The following BANK1 variants were observed in gnomAD, a reference collection of about 807,000 sequenced individuals.
The protein encoded by BANK1 is B cell scaffold protein with ankyrin repeats 1, also known as B-cell scaffold protein with ankyrin repeats.
BANK1 carries 95 observed loss-of-function variants against 94.5 expected under a neutral mutation model. The observed-to-expected ratio is 1.00, with a 90% CI of 0.85 to 1.19. The LOEUF is 1.19. BANK1 is among the 50% of genes most tolerant of loss of function. The pLI is 0.00. For missense variants in BANK1, 987 were observed against 932.2 expected (o/e 1.06, Z -0.77); for synonymous variants, 334 against 308.4 (o/e 1.08, Z -0.87).
chr4:101,927,454 T>G (rs1446865792), intron 7 of BANK1, among the ~76,000 whole-genome samples: 1 of 151,350 alleles, frequency 6.6e-6, no homozygotes, highest in Non-Finnish European at 1.5e-5. Context: ...TTGATCAGAG[T>G]CACAACTATA....
At chr4:101,890,893 T>G (rs1721843775) in intron 5 of BANK1, among the ~76,000 whole-genome samples, 1 of 151,894 alleles carries the variant, frequency 6.6e-6, no homozygotes, top group South Asian at 2.1e-4. Flanking sequence ...TTTTACCAGT[T>G]TGAGTGAAGT....
intron 7 of BANK1, among the ~76,000 whole-genome samples, chr4:102,020,025 C>G (rs764498022): frequency 6.6e-6 from 1 of 152,120 alleles, no homozygotes; most frequent in Non-Finnish European, 1.5e-5. Context: ...GTTTCAGCCT[C>G]AGTACATACA....
At chr4:101,953,124 G>T (rs1468910137) in intron 7 of BANK1, among the ~76,000 whole-genome samples, 1 of 152,060 alleles carries the variant, frequency 6.6e-6, no homozygotes, top group Non-Finnish European at 1.5e-5. Flanking sequence ...TGATGGAAAT[G>T]AAATGAAAAA....
At chr4:102,022,968 A>G (rs1726965560) in intron 8 of BANK1, among the ~76,000 whole-genome samples, 1 of 151,728 alleles carries the variant, frequency 6.6e-6, no homozygotes, top group South Asian at 2.1e-4. Context: ...ATGACACCCT[A>G]CTCTTCATTT....
intron 2 of BANK1, among the ~76,000 whole-genome samples, chr4:101,852,745 C>G (rs1224774864): frequency 6.6e-6 from 1 of 151,592 alleles, no homozygotes; most frequent in African/African-American, 2.4e-5. Context: ...TATCTTATTC[C>G]TTATTTCTTA....
chr4:101,951,879 T>C (rs1431333510), intron 7 of BANK1, among the ~76,000 whole-genome samples: 1 of 149,808 alleles, frequency 6.7e-6, no homozygotes, highest in Non-Finnish European at 1.5e-5. Flanking sequence ...ACAAAAAAAA[T>C]AAAGAATGTG....
intron 1 of BANK1, among the ~76,000 whole-genome samples, chr4:101,818,042 T>C (rs997232757): frequency 1.3e-5 from 2 of 152,204 alleles, no homozygotes; most frequent in Admixed American, 1.3e-4. Flanking sequence ...AAATGTATCA[T>C]ATTATGACAA....
chr4:102,009,236 G>C (rs578072839), intron 7 of BANK1, among the ~76,000 whole-genome samples: 1 of 152,328 alleles, frequency 6.6e-6, no homozygotes, highest in Non-Finnish European at 1.5e-5. Flanking sequence ...TTGGAAAGTG[G>C]TGAGGAAAGA....
At chr4:101,824,262 G>A (rs1726281246) in intron 1 of BANK1, among the ~76,000 whole-genome samples, 1 of 152,200 alleles carries the variant, frequency 6.6e-6, no homozygotes, top group South Asian at 2.1e-4. Flanking sequence ...ACCAGCGAAA[G>A]TCCTCAGTCA....
At chr4:101,968,650 A>G (rs1202754631) in intron 7 of BANK1, among the ~76,000 whole-genome samples, 1 of 152,048 alleles carries the variant, frequency 6.6e-6, no homozygotes, top group African/African-American at 2.4e-5. Flanking sequence ...GCACTGCTGA[A>G]GAAGGAAATG....
At position 102,072,362 on chromosome 4, in the gene BANK1, A is replaced by G. The variant is rs1330950196; in HGVS notation, c.2260A>G (p.Asn754Asp). 5 of 1,595,024 alleles carry G rather than the reference A, an allele frequency of 3.1e-6. No individual in the cohort carries two copies. The highest frequency in any genetic ancestry group is 1.7e-4 in the Middle Eastern group (1 of 6,018). ...ATTTCTAGGTAAGGAAACTGCCCAC[A>G]ATGAAAATAAGTTTTATAATGTACA... ...HHPGGKETAH[N>D]ENKFYNVHFS... The change falls in exon 15 of 17, where the codon AAT becomes GAT. Residue 754 changes from asparagine (N) to aspartate (D), a missense_variant. Transcript: ENST00000322953.
At chr4:101,870,425 C>A in intron 4 of BANK1, 80 bp from the exon 5 acceptor site, 1 of 1,282,242 alleles carries the variant, frequency 7.8e-7, no homozygotes, top group African/African-American at 1.5e-5. Context: ...TTAAAGGCTT[C>A]TTTTATATTC....
At chr4:102,005,582 C>G (rs1209734475) in intron 7 of BANK1, among the ~76,000 whole-genome samples, 1 of 152,044 alleles carries the variant, frequency 6.6e-6, no homozygotes, top group African/African-American at 2.4e-5. Flanking sequence ...AGATTGTTTT[C>G]ATTCATGGAA....
chr4:101,985,560 G>A (rs573484876), intron 7 of BANK1, among the ~76,000 whole-genome samples: 4 of 151,976 alleles, frequency 2.6e-5, no homozygotes, highest in Admixed American at 2.6e-4. Flanking sequence ...ATTTTAACTT[G>A]TGTTCTAGAA....
intron 1 of BANK1, among the ~76,000 whole-genome samples, chr4:101,820,629 C>G (rs548217180): frequency 6.6e-6 from 1 of 152,270 alleles, no homozygotes; most frequent in East Asian, 1.9e-4. Flanking sequence ...TCCTCCCACC[C>G]TCCACCTTCA....
At chr4:101,864,794 A>C (rs1050432403) in intron 4 of BANK1, among the ~76,000 whole-genome samples, 2 of 152,144 alleles carry the variant, frequency 1.3e-5, no homozygotes, top group Non-Finnish European at 2.9e-5. Context: ...AAGAATATGA[A>C]CTAGTGGTAA....
chr4:101,865,315 T>G (rs914564152), intron 4 of BANK1, among the ~76,000 whole-genome samples: 2 of 152,116 alleles, frequency 1.3e-5, no homozygotes, highest in African/African-American at 4.8e-5. Context: ...TTGATGAATG[T>G]CTGAAAGCTG....
At position 101,905,994 on chromosome 4, in the gene BANK1, G is replaced by C. The variant is rs374190542; in HGVS notation, c.1009+10584G>C. 6.5e-4 allele frequency among the ~76,000 whole-genome samples: 99 copies of C among 152,252 alleles called. No individual in the cohort carries two copies. In the East Asian group the frequency reaches 9.1e-3, roughly 14 times the overall value. ...GCACACTCTGCTAAGCTGTTCTATGGCATCATCCTGCATGACCAATTGTGC... is the reference window on the plus strand; with the variant it reads ...GCACACTCTGCTAAGCTGTTCTATGCCATCATCCTGCATGACCAATTGTGC... On this transcript the variant is annotated intron_variant, in intron 6 of 16. Transcript: ENST00000322953.
chr4:101,794,977 T>G (rs2148847838), intron 1 of BANK1, among the ~76,000 whole-genome samples: 1 of 152,282 alleles, frequency 6.6e-6, no homozygotes, highest in South Asian at 2.1e-4. Context: ...ATTGCCTTGT[T>G]TTCACATGTG....
Sources: gnomAD v4.1 joint callset for allele counts (sites outside exome capture counted in the v4.1 genomes callset) on GRCh38, gnomAD v4.1.1 for gene constraint, MANE v1.5 for transcripts, NCBI Gene and HGNC (gene_info 2026-07-23, HGNC 2026-07-21) for gene names.